AGBL1: variants seen among roughly 807,000 people sequenced by gnomAD.
AGBL1 encodes the protein cytosolic carboxypeptidase 4.
In AGBL1, 130 loss-of-function variants were observed where a neutral mutation model predicts 118.9. The observed-to-expected ratio is 1.09, with a 90% CI of 0.95 to 1.26. AGBL1 has a LOEUF of 1.26. Ranked by LOEUF, AGBL1 falls within the 50% of genes most tolerant of loss-of-function variation. The pLI is 0.00. For missense variants in AGBL1, 1,584 were observed against 1,298.1 expected, an observed-to-expected ratio of 1.22 and a Z score of -3.38; for synonymous variants, 555 against 478.9, an observed-to-expected ratio of 1.16 and a Z score of -2.08.
rs1046952321 is a variant in AGBL1 at position 86,734,299 on chromosome 15, G to T, written c.3158+59863G>T. Among the ~76,000 whole-genome samples the T allele has an allele frequency of 2.0e-5, 3 of 152,032 alleles. No individual in the cohort carries two copies. The South Asian group carries it at 6.2e-4, about 32-fold the overall frequency. ...TTCTGTGTAATATAACCCTGAGTGG[G>T]GTATTCCAATAAGAAAAATGGCTAG... is the stretch of plus-strand genomic sequence containing the variant. On this transcript the variant is annotated intron_variant, in intron 22 of 22. Transcript: ENST00000614907.
intron 22 of AGBL1, among the ~76,000 whole-genome samples, chr15:86,748,761 T>C (rs1025653731): frequency 1.3e-5 from 2 of 152,004 alleles, no homozygotes; most frequent in African/African-American, 2.4e-5. Context: ...ATTTATTAAA[T>C]AGGGAATCCT....
intron 22 of AGBL1, among the ~76,000 whole-genome samples, chr15:86,678,111 C>T (rs1452675884): frequency 4.6e-5 from 7 of 152,204 alleles, no homozygotes; most frequent in African/African-American, 7.2e-5. Context: ...TATCACCCCA[C>T]AAAGTTATTT....
intron 18 of AGBL1, among the ~76,000 whole-genome samples, chr15:86,468,732 G>C (rs775865855): frequency 1.3e-5 from 2 of 152,160 alleles, no homozygotes; most frequent in African/African-American, 2.4e-5. Flanking sequence ...AATGAGTAGA[G>C]TTTGTAAATT....
At chr15:87,003,238 T>G (rs2141764633) in intron 24 of AGBL1, among the ~76,000 whole-genome samples, 1 of 152,364 alleles carries the variant, frequency 6.6e-6, no homozygotes, top group South Asian at 2.1e-4. Flanking sequence ...GAGGTAATTC[T>G]GTGGCTTTTG....
chr15:86,266,586 G>T (rs2079076242), intron 12 of AGBL1, 129 bp downstream of exon 12: 5 of 713,000 alleles, frequency 7.0e-6, no homozygotes, highest in African/African-American at 1.8e-5. Context: ...CCAGGTTAAA[G>T]ATCTATAAGA....
intron 3 of AGBL1, among the ~76,000 whole-genome samples, chr15:86,154,047 T>C (rs1396657142): frequency 6.6e-6 from 1 of 152,192 alleles, no homozygotes; most frequent in Non-Finnish European, 1.5e-5. Flanking sequence ...CCAATCCAAG[T>C]TGACATACTA....
chr15:86,807,221 T>C (rs567130020), intron 22 of AGBL1, among the ~76,000 whole-genome samples: 1 of 152,316 alleles, frequency 6.6e-6, no homozygotes, highest in African/African-American at 2.4e-5. Flanking sequence ...GTGAGCACTT[T>C]AGCCTTGCAA....
chr15:86,431,181 C>T (rs1244223702), intron 18 of AGBL1, among the ~76,000 whole-genome samples: 1 of 152,186 alleles, frequency 6.6e-6, no homozygotes, highest in Non-Finnish European at 1.5e-5. Flanking sequence ...TGGCCTGAAA[C>T]CATGACCAGG....
intron 22 of AGBL1, among the ~76,000 whole-genome samples, chr15:86,684,560 G>T (rs542266796): frequency 3.4e-4 from 51 of 151,532 alleles, no homozygotes; most frequent in African/African-American, 1.2e-3. Context: ...GGCTCAAGCA[G>T]TCCTCTTGCC....
At chr15:86,868,066 GA>G (rs1198535063) in intron 22 of AGBL1, among the ~76,000 whole-genome samples, 1 of 152,146 alleles carries the variant, frequency 6.6e-6, no homozygotes. Context: ...TCAAAATAAG[GA>G]ATTATCAATG....
chr15:86,561,665 A>T (rs2083823355), intron 21 of AGBL1, among the ~76,000 whole-genome samples: 1 of 152,140 alleles, frequency 6.6e-6, no homozygotes. Flanking sequence ...ATGAACTTTA[A>T]AGTAGTGTTT....
intron 5 of AGBL1, among the ~76,000 whole-genome samples, chr15:86,214,460 G>C (rs545209835): frequency 6.6e-6 from 1 of 152,296 alleles, no homozygotes; most frequent in South Asian, 2.1e-4. Flanking sequence ...ACATATTGCA[G>C]TATAGGATTA....
chr15:86,499,340 G>T (rs1434652078), intron 18 of AGBL1, among the ~76,000 whole-genome samples: 1 of 151,854 alleles, frequency 6.6e-6, no homozygotes, highest in African/African-American at 2.4e-5. Flanking sequence ...GGGGATTCTG[G>T]CTAGGCTGGG....
At chr15:86,449,081 C>T (rs6496331) in intron 18 of AGBL1, among the ~76,000 whole-genome samples, 1 of 151,824 alleles carries the variant, frequency 6.6e-6, no homozygotes, top group South Asian at 2.1e-4. Flanking sequence ...GAGTATATAC[C>T]GAGAAAATAT....
chr15:86,262,942 C>A, intron 10 of AGBL1, 48 bp downstream of exon 10: 2 of 1,430,202 alleles, frequency 1.4e-6, no homozygotes, highest in Non-Finnish European at 9.7e-7. Flanking sequence ...ATGATGGGTT[C>A]TTTGCAGATC....
chr15:86,128,184 A>G (rs2076772668), intron 1 of AGBL1, among the ~76,000 whole-genome samples: 1 of 152,214 alleles, frequency 6.6e-6, no homozygotes, highest in East Asian at 1.9e-4. Context: ...ATGGACTCAC[A>G]GTTCCACATG....
intron 17 of AGBL1, among the ~76,000 whole-genome samples, chr15:86,358,502 A>G (rs2080756204): frequency 6.6e-6 from 1 of 152,048 alleles, no homozygotes; most frequent in South Asian, 2.1e-4. Context: ...GGGTGCAGAT[A>G]TCTCTTTGAG....
chr15:86,714,252 G>C (rs146319669), intron 22 of AGBL1, among the ~76,000 whole-genome samples: 1 of 152,256 alleles, frequency 6.6e-6, no homozygotes, highest in Non-Finnish European at 1.5e-5. Flanking sequence ...ACATTTTACT[G>C]GTGACAGGGA....
At chr15:86,644,527 A>G (rs1356171895) in intron 21 of AGBL1, among the ~76,000 whole-genome samples, 4 of 151,950 alleles carry the variant, frequency 2.6e-5, no homozygotes, top group Admixed American at 6.6e-5. Flanking sequence ...AACAGCATAG[A>G]TAAGTTTTGT....
Sources: gnomAD v4.1 joint callset for allele counts (sites outside exome capture counted in the v4.1 genomes callset) on GRCh38, gnomAD v4.1.1 for gene constraint, MANE v1.5 for transcripts, NCBI Gene and HGNC (gene_info 2026-07-23, HGNC 2026-07-21) for gene names.